POLQ: variants seen among roughly 807,000 people sequenced by gnomAD.
POLQ encodes the protein epididymis secretory sperm binding protein.
In POLQ, 233 loss-of-function variants were observed where a neutral mutation model predicts 259.2. That is an observed-to-expected ratio of 0.90 (90% confidence interval 0.81 to 1.00). POLQ has a LOEUF of 1.00. Ranked by LOEUF, POLQ falls within the 50% of genes least tolerant of loss-of-function variation. POLQ has a pLI of 0.00. For missense variants in POLQ, 2,871 were observed against 3,051.6 expected (o/e 0.94, Z 1.39); for synonymous variants, 1,025 against 1,048.8 (o/e 0.98, Z 0.44).
At chr3:121,500,795 G>GA (rs558943647) in intron 12 of POLQ, among the ~76,000 whole-genome samples, 5 of 151,630 alleles carry the variant, frequency 3.3e-5, no homozygotes, top group Admixed American at 6.6e-5. Context: ...TAAAACTGAA[G>GA]AAAAAAAATC....
rs987828961 is a variant in POLQ, at chr3:121,454,751, C to A, written c.7152+5299G>T. Among the ~76,000 whole-genome samples, 15 of 152,246 alleles carry A rather than the reference C, an allele frequency of 9.9e-5. No homozygotes were observed. The South Asian group carries it at 3.1e-3, about 32-fold the overall frequency. Reference sequence around the variant, plus strand: ...CATAAAGCAAGTCCTGAGTGACCTTCAAGAGACTTAGACTCCCACACAATA... The same window carrying A: ...CATAAAGCAAGTCCTGAGTGACCTTAAAGAGACTTAGACTCCCACACAATA... On this transcript the variant is annotated intron_variant, in intron 25 of 29. Transcript: ENST00000264233.
chr3:121,501,558 C>CTGAGGCAGGAGGAGAATGGCG (rs970098663), intron 12 of POLQ, among the ~76,000 whole-genome samples: 2 of 138,076 alleles, frequency 1.4e-5, no homozygotes, highest in Non-Finnish European at 3.1e-5. Context: ...ACTTGGGAGG[C>CTGAGGCAGGAGGAGAATGGCG]TGAGGCAGGA....
chr3:121,450,536 C>T (rs984044541), intron 25 of POLQ, among the ~76,000 whole-genome samples: 2 of 140,274 alleles, frequency 1.4e-5, no homozygotes, highest in Admixed American at 7.3e-5. Context: ...AACCCCACAA[C>T]GGGCCCCAGT....
rs1453442486 is a variant in POLQ, at chr3:121,488,695, T to C, written c.4236A>G (p.Pro1412=). The C allele has an allele frequency of 6.2e-7, 1 of 1,613,226 alleles. No individual in the cohort carries two copies. Among genetic ancestry groups the C allele is most frequent in the Non-Finnish European group, 8.5e-7 (1 of 1,179,836 alleles). ...TTGGAGAATGGAAAATCGGGCTTTC[T>C]GGAGTCAGGATATCAACCCCATGTG... The part of the protein sequence containing the change: ...SDSHGVDILT[P]ESPIFHSPIL... The change falls in exon 16 of 30, where the codon CCA becomes CCG. Residue 1412 remains proline (P), a synonymous_variant. Transcript: ENST00000264233.
chr3:121,518,444 C>A (rs2048313947), intron 9 of POLQ, among the ~76,000 whole-genome samples: 1 of 152,180 alleles, frequency 6.6e-6, no homozygotes, highest in Non-Finnish European at 1.5e-5. Flanking sequence ...GCTTGTTCAA[C>A]CACAGCAGGG....
intron 24 of POLQ, among the ~76,000 whole-genome samples, chr3:121,466,336 A>G (rs1184775530): frequency 6.7e-6 from 1 of 148,502 alleles, no homozygotes; most frequent in Non-Finnish European, 1.5e-5. Flanking sequence ...GTTGCACTTC[A>G]GCCTGGGCGA....
intron 22 of POLQ, among the ~76,000 whole-genome samples, chr3:121,470,883 T>A (rs572579541): frequency 9.9e-5 from 15 of 152,246 alleles, no homozygotes; most frequent in Admixed American, 9.8e-4. Flanking sequence ...GACCCTCCCA[T>A]CTTGGCCTCC....
chr3:121,495,356 A>G (rs1314745794), intron 14 of POLQ, among the ~76,000 whole-genome samples: 1 of 152,190 alleles, frequency 6.6e-6, no homozygotes, highest in African/African-American at 2.4e-5. Context: ...AACTAGAAAG[A>G]GTGAAGTTCC....
chr3:121,456,452 T>C (rs2047738174), intron 25 of POLQ, among the ~76,000 whole-genome samples: 1 of 152,176 alleles, frequency 6.6e-6, no homozygotes, highest in African/African-American at 2.4e-5. Context: ...TGTCCCTGTT[T>C]GCAGATGACA....
At chr3:121,509,498 A>G in intron 12 of POLQ, 63 bp downstream of exon 12, 4 of 1,398,042 alleles carry the variant, frequency 2.9e-6, no homozygotes, top group Non-Finnish European at 4.0e-6. Flanking sequence ...TTTGATGTTC[A>G]GGATTATATA....
At chr3:121,534,466 G>A (rs1576429004) in intron 5 of POLQ, among the ~76,000 whole-genome samples, 1 of 152,112 alleles carries the variant, frequency 6.6e-6, no homozygotes, top group East Asian at 1.9e-4. Flanking sequence ...TGGGATTGCA[G>A]GTATGCATCA....
chr3:121,464,859 G>C (rs2047822502), intron 24 of POLQ, among the ~76,000 whole-genome samples: 1 of 151,968 alleles, frequency 6.6e-6, no homozygotes, highest in African/African-American at 2.4e-5. Context: ...AAATACTTTT[G>C]GTCCCAAGGA....
chr3:121,516,671 C>T (rs1009872714), intron 9 of POLQ, among the ~76,000 whole-genome samples: 4 of 151,988 alleles, frequency 2.6e-5, no homozygotes, highest in African/African-American at 9.7e-5. Context: ...CTAGAAGCTT[C>T]TAAGTAGTCT....
chr3:121,529,820 TAGTGGTCCTTTCAA>T, intron 6 of POLQ, 28 bp from the exon 7 acceptor site: 1 of 1,546,064 alleles, frequency 6.5e-7, no homozygotes, highest in Non-Finnish European at 8.8e-7. Context: ...ATAACCACTT[TAGTGGTCCTTTCAA>T]AAGATTCTCA....
In POLQ at chr3:121,489,562, T is replaced by A; in HGVS notation, c.3369A>T (p.Ser1123=). 1 of 1,612,946 alleles carries A rather than the reference T, an allele frequency of 6.2e-7. No individual in the cohort carries two copies. The highest frequency in any genetic ancestry group is 1.1e-5 in the South Asian group (1 of 90,830). The part of the protein sequence containing the change: ...SFPLQIKQNC[S]WNITLTNDNF... Reference sequence around the variant, plus strand: ...TATCATTAGTTAGTGTTATGTTCCATGAACAATTTTGCTTTATTTGTAATG... The same window carrying A: ...TATCATTAGTTAGTGTTATGTTCCAAGAACAATTTTGCTTTATTTGTAATG... The change falls in exon 16 of 30, where the codon TCA becomes TCT. Residue 1123 remains serine, a synonymous_variant. Coordinates refer to ENST00000264233, the MANE Select transcript of POLQ (RefSeq NM_199420.4).
At chr3:121,543,844 A>T (rs1344741455) in intron 2 of POLQ, among the ~76,000 whole-genome samples, 2 of 151,922 alleles carry the variant, frequency 1.3e-5, no homozygotes, top group Non-Finnish European at 2.9e-5. Context: ...TTAGCTAGGC[A>T]TGGCAGCGGG....
intron 25 of POLQ, among the ~76,000 whole-genome samples, chr3:121,454,051 G>C (rs190325625): frequency 3.3e-5 from 5 of 152,314 alleles, no homozygotes; most frequent in African/African-American, 1.2e-4. Flanking sequence ...AACTCTACAA[G>C]CCAGAAGAGA....
At chr3:121,490,986 C>T (rs754117652) in intron 15 of POLQ, among the ~76,000 whole-genome samples, 1 of 151,900 alleles carries the variant, frequency 6.6e-6, no homozygotes, top group African/African-American at 2.4e-5. Flanking sequence ...ACCCAGGAGG[C>T]GTTACAGTGA....
intron 25 of POLQ, among the ~76,000 whole-genome samples, chr3:121,453,107 G>A (rs1234919191): frequency 4.6e-5 from 7 of 152,232 alleles, no homozygotes; most frequent in South Asian, 2.1e-4. Context: ...TGCAGTCACC[G>A]CTGTTGATAT....
Sources: allele counts gnomAD v4.1 joint callset (sites outside exome capture counted in the v4.1 genomes callset), GRCh38; gene constraint gnomAD v4.1.1; transcripts MANE v1.5; gene names NCBI Gene and HGNC (gene_info 2026-07-23, HGNC 2026-07-21).